The following FER1L6 variants were observed in gnomAD, a reference collection of about 807,000 sequenced individuals.
FER1L6 encodes fer-1-like protein 6.
FER1L6 carries 177 observed loss-of-function variants against 219.2 expected under a neutral mutation model. The observed-to-expected ratio is 0.81, with a 90% CI of 0.71 to 0.91. The LOEUF (loss-of-function observed/expected upper bound fraction) is 0.91, where lower values mean the gene tolerates loss of function less well. Among genes scored for constraint, FER1L6 ranks in the 40% least tolerant of loss-of-function variants. The pLI is 0.00. For synonymous variants in FER1L6, 768 were observed against 824.3 expected, an observed-to-expected ratio of 0.93 and a Z score of 1.17; for missense variants, 2,153 against 2,259.9, an observed-to-expected ratio of 0.95 and a Z score of 0.96.
intron 5 of FER1L6, among the ~76,000 whole-genome samples, chr8:123,967,232 C>T (rs1815587532): frequency 1.3e-5 from 2 of 152,196 alleles, no homozygotes; most frequent in African/African-American, 2.4e-5. Context: ...TAGGCATTTG[C>T]GTATCCTTCC....
chr8:124,009,504 G>A (rs1317056076), intron 13 of FER1L6, among the ~76,000 whole-genome samples: 1 of 152,124 alleles, frequency 6.6e-6, no homozygotes, highest in Non-Finnish European at 1.5e-5. Context: ...AGGAGCCGGT[G>A]CTGCTATTCT....
chr8:123,872,291 C>T (rs777687164), intron 1 of FER1L6, among the ~76,000 whole-genome samples: 33 of 152,118 alleles, frequency 2.2e-4, no homozygotes, highest in Non-Finnish European at 8.8e-5. Flanking sequence ...TGGGTGAGGA[C>T]AAGTATCCAA....
At chr8:123,858,947 T>G (rs1414188826) in intron 1 of FER1L6, among the ~76,000 whole-genome samples, 1 of 152,248 alleles carries the variant, frequency 6.6e-6, no homozygotes, top group African/African-American at 2.4e-5. Flanking sequence ...AAATTTTAAT[T>G]GACAAATAAT....
chr8:123,856,316 G>GTGTGTGTGTGTATATATATATATA (rs71576706), intron 1 of FER1L6, among the ~76,000 whole-genome samples: 1 of 45,112 alleles, frequency 2.2e-5, no homozygotes, highest in African/African-American at 8.7e-5. Flanking sequence ...ATATGTATGT[G>GTGTGTGTGTGTATATATATATATA]TATATATATA....
intron 39 of FER1L6, among the ~76,000 whole-genome samples, chr8:124,108,018 G>A (rs1822850008): frequency 6.6e-6 from 1 of 152,214 alleles, no homozygotes; most frequent in Non-Finnish European, 1.5e-5. Flanking sequence ...TGAGAGGGGT[G>A]GATTCCACCC....
At chr8:123,923,390 T>G (rs1474713677) in intron 1 of FER1L6, among the ~76,000 whole-genome samples, 2 of 152,222 alleles carry the variant, frequency 1.3e-5, no homozygotes, top group Non-Finnish European at 2.9e-5. Flanking sequence ...TCTGTTGAAC[T>G]ATATGAAATT....
Position 124,065,387 on chromosome 8 carries a change from C to T in FER1L6, c.3555+814C>T, listed in dbSNP as rs372628264. On this transcript the variant is annotated intron_variant, in intron 26 of 40. Coordinates refer to ENST00000522917, the MANE Select transcript of FER1L6 (RefSeq NM_001039112.2). ...CTGCATTCCAGTCTGGGCAACAGAGCGAGCCTCCATCTCAAAAAAAAAAAA... is the reference window on the plus strand; with the variant it reads ...CTGCATTCCAGTCTGGGCAACAGAGTGAGCCTCCATCTCAAAAAAAAAAAA... Among the ~76,000 whole-genome samples, 7 of 127,076 alleles carry T rather than the reference C, an allele frequency of 5.5e-5. No homozygotes were observed. In the South Asian group the frequency reaches 1.9e-3, roughly 34 times the overall value. The allele number at this position is 127,076 out of a possible 152,430, so 83.4% of individuals were successfully genotyped here. A position where few individuals can be genotyped will look rare whatever the true frequency, so the allele number is the denominator to read the frequency against.
At chr8:124,046,646 A>C (rs1819751971) in intron 21 of FER1L6, 1 of 152,152 alleles carries the variant, frequency 6.6e-6, no homozygotes, top group African/African-American at 2.4e-5. Flanking sequence ...AGCCTGCCTA[A>C]AGCTTCCCCA....
chr8:124,101,180 G>A lies in FER1L6; in HGVS notation c.4967G>A (p.Arg1656His), dbSNP rs1381682525. Residue 1656 changes from arginine to histidine, a missense_variant, in exon 38 of 41, where the codon CGC (arginine) becomes CAC (histidine). Arg to His is a conservative substitution (Grantham distance 29, BLOSUM62 0). Coordinates refer to ENST00000522917, the MANE Select transcript of FER1L6 (RefSeq NM_001039112.2). The part of the protein sequence containing the change: ...SLTGEGNFNW[R>H]FLFPFQYLPA... Reference sequence around the variant, plus strand: ...ACTGGAGAGGGCAACTTCAACTGGCGCTTCCTGTTTCCCTTTCAGTATCTC... The same window carrying A: ...ACTGGAGAGGGCAACTTCAACTGGCACTTCCTGTTTCCCTTTCAGTATCTC... 34 of 1,613,672 alleles carry A rather than the reference G, an allele frequency of 2.1e-5. No homozygotes were observed. The highest frequency in any genetic ancestry group is 4.4e-5 in the South Asian group (4 of 91,070).
intron 9 of FER1L6, among the ~76,000 whole-genome samples, chr8:123,976,933 CT>C (rs1816100493): frequency 6.6e-6 from 1 of 152,224 alleles, no homozygotes; most frequent in South Asian, 2.1e-4. Context: ...CACATGTTAT[CT>C]CTGCCATTAA....
At chr8:123,929,787 A>G (rs892818204) in intron 1 of FER1L6, among the ~76,000 whole-genome samples, 1 of 152,174 alleles carries the variant, frequency 6.6e-6, no homozygotes, top group Non-Finnish European at 1.5e-5. Flanking sequence ...GAGAGGAAGC[A>G]CATGAAAGCA....
chr8:124,108,384 A>C (rs1327541249), intron 39 of FER1L6, among the ~76,000 whole-genome samples: 1 of 152,200 alleles, frequency 6.6e-6, no homozygotes, highest in Non-Finnish European at 1.5e-5. Context: ...ATGAGATAGT[A>C]TGTTCCAGGC....
intron 1 of FER1L6, among the ~76,000 whole-genome samples, chr8:123,919,954 G>A (rs1445200564): frequency 2.0e-5 from 3 of 152,206 alleles, no homozygotes; most frequent in African/African-American, 7.2e-5. Flanking sequence ...GGAGGAGGAG[G>A]AGGAACACAC....
At chr8:123,872,573 A>G (rs1050472598) in intron 1 of FER1L6, among the ~76,000 whole-genome samples, 4 of 152,210 alleles carry the variant, frequency 2.6e-5, no homozygotes, top group African/African-American at 9.6e-5. Flanking sequence ...ATATACCAAT[A>G]TTGGTTCATT....
At chr8:124,118,768 T>TA in intron 39 of FER1L6, 76 bp from the exon 40 acceptor site, 1 of 1,180,728 alleles carries the variant, frequency 8.5e-7, no homozygotes, top group Non-Finnish European at 1.2e-6. Context: ...TCCAACTTGG[T>TA]AACACTTCTA....
At chr8:123,999,650 G>A (rs538601009) in intron 12 of FER1L6, among the ~76,000 whole-genome samples, 7 of 152,202 alleles carry the variant, frequency 4.6e-5, no homozygotes, top group Middle Eastern at 3.4e-3. Flanking sequence ...GCCACAGAGC[G>A]AGACTCCATC....
intron 1 of FER1L6, among the ~76,000 whole-genome samples, chr8:123,913,058 G>C (rs1208763300): frequency 6.6e-6 from 1 of 152,008 alleles, no homozygotes; most frequent in Admixed American, 6.5e-5. Context: ...TCACTGAAAG[G>C]TGCCCATAAA....
chr8:123,989,040 G>A (rs920585681), intron 12 of FER1L6, among the ~76,000 whole-genome samples: 2 of 151,862 alleles, frequency 1.3e-5, no homozygotes, highest in African/African-American at 2.4e-5. Context: ...AATCATGAAC[G>A]GATGTTAAAT....
chr8:123,947,453 T>C (rs190195782), intron 1 of FER1L6, among the ~76,000 whole-genome samples: 1 of 152,328 alleles, frequency 6.6e-6, no homozygotes, highest in African/African-American at 2.4e-5. Context: ...TTATTATCTT[T>C]TGCCTGTGTT....
Sources: gnomAD v4.1 joint callset for allele counts (sites outside exome capture counted in the v4.1 genomes callset) on GRCh38, gnomAD v4.1.1 for gene constraint, MANE v1.5 for transcripts, NCBI Gene and HGNC (gene_info 2026-07-23, HGNC 2026-07-21) for gene names.